Variants in CAMTA1 observed in about 807,000 individuals in gnomAD.
The protein encoded by CAMTA1 is calmodulin-binding transcription activator 1.
In CAMTA1, 27 loss-of-function variants were observed where a neutral mutation model predicts 170.9. The observed-to-expected ratio is 0.16, with a 90% CI of 0.12 to 0.22. CAMTA1 has a LOEUF of 0.22. Among genes scored for constraint, CAMTA1 ranks in the 10% least tolerant of loss-of-function variants. The pLI, the probability that CAMTA1 is intolerant of heterozygous loss-of-function variation, is 1.00. For synonymous variants in CAMTA1, 833 were observed against 891.5 expected, an observed-to-expected ratio of 0.93 and a Z score of 1.17; for missense variants, 1,619 against 2,217.2, an observed-to-expected ratio of 0.73 and a Z score of 5.42.
intron 5 of CAMTA1, among the ~76,000 whole-genome samples, chr1:7,347,878 A>G (rs1373876863): frequency 1.3e-5 from 2 of 152,110 alleles, no homozygotes; most frequent in Admixed American, 6.5e-5. Flanking sequence ...GCACTATATC[A>G]TCTCCATCCT....
intron 3 of CAMTA1, among the ~76,000 whole-genome samples, chr1:7,036,735 G>A (rs1043082175): frequency 6.6e-6 from 1 of 152,192 alleles, no homozygotes; most frequent in African/African-American, 2.4e-5. Context: ...GGCATAGTTT[G>A]TTACGTTTCT....
At chr1:6,863,744 T>C (rs1328614303) in intron 3 of CAMTA1, among the ~76,000 whole-genome samples, 1 of 152,260 alleles carries the variant, frequency 6.6e-6, no homozygotes, top group African/African-American at 2.4e-5. Flanking sequence ...CTGTGGTACA[T>C]GTTTCACACC....
chr1:7,491,492 C>A (rs1290301441), intron 6 of CAMTA1, among the ~76,000 whole-genome samples: 8 of 152,202 alleles, frequency 5.3e-5, no homozygotes, highest in African/African-American at 1.9e-4. Flanking sequence ...TGCCGATTGT[C>A]CAATTGCTTA....
At chr1:7,043,051 C>T (rs552603033) in intron 3 of CAMTA1, among the ~76,000 whole-genome samples, 3 of 152,340 alleles carry the variant, frequency 2.0e-5, no homozygotes, top group African/African-American at 4.8e-5. Flanking sequence ...GGCATGGACA[C>T]GCAGCCCCAG....
intron 3 of CAMTA1, among the ~76,000 whole-genome samples, chr1:6,926,452 C>CTT (rs772101602): frequency 9.3e-6 from 1 of 107,726 alleles, no homozygotes; most frequent in African/African-American, 4.4e-5. Flanking sequence ...TTCTTTCTTT[C>CTT]TTTCTTTCTT....
At chr1:7,466,303 A>T (rs1335064117) in intron 5 of CAMTA1, among the ~76,000 whole-genome samples, 2 of 152,242 alleles carry the variant, frequency 1.3e-5, no homozygotes, top group African/African-American at 4.8e-5. Context: ...CAAGAATTGC[A>T]AGGGAATTGT....
intron 3 of CAMTA1, among the ~76,000 whole-genome samples, chr1:6,847,085 C>T (rs948058725): frequency 2.6e-5 from 4 of 151,006 alleles, no homozygotes; most frequent in African/African-American, 9.8e-5. Context: ...CTCACTGCAA[C>T]CTCTGCCTCC....
At chr1:7,328,138 C>A (rs1360059648) in intron 5 of CAMTA1, among the ~76,000 whole-genome samples, 1 of 152,048 alleles carries the variant, frequency 6.6e-6, no homozygotes, top group Non-Finnish European at 1.5e-5. Context: ...TTTTGCTTTT[C>A]CTGACTGGGA....
intron 4 of CAMTA1, among the ~76,000 whole-genome samples, chr1:7,232,570 G>A (rs1471118750): frequency 6.6e-6 from 1 of 152,056 alleles, no homozygotes; most frequent in Non-Finnish European, 1.5e-5. Flanking sequence ...TAAGCTCCCT[G>A]AGGACCAGGG....
chr1:6,849,207 T>A (rs1331957844), intron 3 of CAMTA1, among the ~76,000 whole-genome samples: 1 of 152,188 alleles, frequency 6.6e-6, no homozygotes, highest in South Asian at 2.1e-4. Context: ...CTGTAGATAA[T>A]GAAATACATA....
At chr1:7,247,525 C>T (rs1666003769) in intron 4 of CAMTA1, among the ~76,000 whole-genome samples, 1 of 152,226 alleles carries the variant, frequency 6.6e-6, no homozygotes, top group Non-Finnish European at 1.5e-5. Flanking sequence ...GGAGTATCTT[C>T]ATTCTCCAGT....
chr1:7,590,761 G>A (rs951633036), intron 6 of CAMTA1, among the ~76,000 whole-genome samples: 3 of 152,208 alleles, frequency 2.0e-5, no homozygotes, highest in Non-Finnish European at 4.4e-5. Context: ...GAGAGACTGG[G>A]CAGTGGGTGT....
chr1:7,766,624 A>C lies in CAMTA1; in HGVS notation c.*133A>C. ...ACACACACGTACACACACATACAAA[A>C]TCCCTCTGCAGTTTTGGGGAGATCA... is the stretch of plus-strand genomic sequence containing the variant. On this transcript the variant is annotated 3_prime_UTR_variant, in exon 23 of 23. Coordinates refer to ENST00000303635, the MANE Select transcript of CAMTA1 (RefSeq NM_015215.4). 3 of 739,922 alleles carry C rather than the reference A, an allele frequency of 4.1e-6. No homozygotes were observed. The highest frequency in any genetic ancestry group is 6.9e-6 in the Non-Finnish European group (3 of 435,682). 45.8% of individuals were successfully genotyped at this position (739,922 alleles called of 1,614,324 possible).
intron 11 of CAMTA1, among the ~76,000 whole-genome samples, chr1:7,684,088 G>A (rs1046690850): frequency 2.6e-5 from 4 of 152,308 alleles, no homozygotes; most frequent in Middle Eastern, 3.4e-3. Flanking sequence ...GGTCCCATCC[G>A]GCCTCCTTGG....
chr1:7,270,274 C>T (rs12047511), intron 5 of CAMTA1, among the ~76,000 whole-genome samples: 2,553 of 29,246 alleles, frequency 0.087, 37 homozygotes, highest in African/African-American at 0.12. Context: ...CACACACACA[C>T]ATATATATAT....
chr1:7,671,934 T>C, intron 10 of CAMTA1: 1 of 452,888 alleles, frequency 2.2e-6, no homozygotes, highest in Non-Finnish European at 4.4e-6. Context: ...CAGAGGGGGA[T>C]GGAGATTGTG....
chr1:6,799,013 C>T (rs896553747), intron 1 of CAMTA1, among the ~76,000 whole-genome samples: 1 of 152,110 alleles, frequency 6.6e-6, no homozygotes, highest in African/African-American at 2.4e-5. Context: ...ACTTGGATTC[C>T]CAGCTCAAAC....
intron 5 of CAMTA1, among the ~76,000 whole-genome samples, chr1:7,356,613 A>G (rs1313905958): frequency 6.6e-6 from 1 of 152,144 alleles, no homozygotes; most frequent in African/African-American, 2.4e-5. Context: ...CCCTGAACCT[A>G]TGGACCATCA....
intron 3 of CAMTA1, among the ~76,000 whole-genome samples, chr1:7,037,065 TTGA>T (rs1371749206): frequency 6.6e-6 from 1 of 152,202 alleles, no homozygotes; most frequent in Non-Finnish European, 1.5e-5. Context: ...TTTGAGTTTG[TTGA>T]TGATAATATC....
Sources: gnomAD v4.1 joint callset for allele counts (sites outside exome capture counted in the v4.1 genomes callset) on GRCh38, gnomAD v4.1.1 for gene constraint, MANE v1.5 for transcripts, NCBI Gene and HGNC (gene_info 2026-07-23, HGNC 2026-07-21) for gene names.